The following UNC13B variants were observed in gnomAD, a reference collection of about 807,000 sequenced individuals.
UNC13B encodes unc-13 homolog B, also known as protein unc-13 homolog B.
In UNC13B, 144 loss-of-function variants were observed where a neutral mutation model predicts 211.0. The ratio of observed to expected loss-of-function variants is 0.68; its 90% CI spans 0.60 to 0.78. The LOEUF is 0.78. Ranked by LOEUF, UNC13B falls within the 30% of genes least tolerant of loss-of-function variation. The pLI is 0.00. For synonymous variants in UNC13B, 709 were observed against 725.8 expected, an observed-to-expected ratio of 0.98 and a Z score of 0.37; for missense variants, 1,777 against 2,002.0, an observed-to-expected ratio of 0.89 and a Z score of 2.14.
chr9:35,333,190 G>T (rs1831465991), intron 11 of UNC13B, among the ~76,000 whole-genome samples: 2 of 152,196 alleles, frequency 1.3e-5, no homozygotes. Context: ...ACAGAGTAGA[G>T]AAAATGTCTG....
intron 7 of UNC13B, among the ~76,000 whole-genome samples, chr9:35,271,011 C>T (rs986173087): frequency 5.3e-5 from 8 of 151,864 alleles, no homozygotes; most frequent in African/African-American, 1.7e-4. Flanking sequence ...TGGTGGTGTA[C>T]ACCTGTAGTC....
intron 8 of UNC13B, among the ~76,000 whole-genome samples, chr9:35,298,353 C>T (rs561559009): frequency 6.6e-6 from 1 of 152,012 alleles, no homozygotes; most frequent in Admixed American, 6.5e-5. Flanking sequence ...TCTGGGAGGT[C>T]GAAGCTATAG....
intron 1 of UNC13B, among the ~76,000 whole-genome samples, chr9:35,173,104 G>C (rs946181077): frequency 6.6e-6 from 1 of 152,176 alleles, no homozygotes; most frequent in South Asian, 2.1e-4. Flanking sequence ...AGGGCAGGGA[G>C]GGAGATCTGC....
chr9:35,248,867 T>A (rs145503174), intron 6 of UNC13B, among the ~76,000 whole-genome samples: 7,386 of 152,272 alleles, frequency 0.049, 407 homozygotes, highest in East Asian at 0.3. Context: ...AGATGTCTAT[T>A]AGATCTGCTT....
intron 11 of UNC13B, among the ~76,000 whole-genome samples, chr9:35,330,013 C>G (rs1159493386): frequency 6.6e-6 from 1 of 152,156 alleles, no homozygotes; most frequent in Non-Finnish European, 1.5e-5. Flanking sequence ...TATCCGTTTA[C>G]TGTTAAATTG....
At chr9:35,174,718 T>C (rs1331111626) in intron 1 of UNC13B, among the ~76,000 whole-genome samples, 2 of 152,106 alleles carry the variant, frequency 1.3e-5, no homozygotes, top group Non-Finnish European at 2.9e-5. Context: ...TGGCTAATTT[T>C]TTTTGTACTT....
intron 11 of UNC13B, chr9:35,352,728 C>T (rs1587680492): frequency 2.4e-6 from 3 of 1,232,178 alleles, no homozygotes; most frequent in Non-Finnish European, 3.0e-6. Context: ...GCATCAAGAA[C>T]ATCTCAAGTT....
chr9:35,317,347 C>T (rs1454588650), intron 11 of UNC13B, among the ~76,000 whole-genome samples: 4 of 151,770 alleles, frequency 2.6e-5, no homozygotes, highest in Non-Finnish European at 5.9e-5. Flanking sequence ...ACTATAGGTA[C>T]GCACTACCAC....
intron 1 of UNC13B, among the ~76,000 whole-genome samples, chr9:35,200,915 G>C (rs1407055717): frequency 1.3e-5 from 2 of 152,176 alleles, no homozygotes; most frequent in East Asian, 1.9e-4. Context: ...TCTTGTGCCA[G>C]TTTTCAAAGG....
At chr9:35,324,697 C>A (rs981636064) in intron 11 of UNC13B, among the ~76,000 whole-genome samples, 2 of 152,230 alleles carry the variant, frequency 1.3e-5, no homozygotes, top group African/African-American at 4.8e-5. Context: ...CAACTCTCCT[C>A]TTTGATCTGT....
chr9:35,289,143 C>T (rs1828955819), intron 7 of UNC13B, among the ~76,000 whole-genome samples: 1 of 152,026 alleles, frequency 6.6e-6, no homozygotes. Context: ...AAAGTAAGTG[C>T]CTAGGAAGAA....
intron 36 of UNC13B, 43 bp downstream of exon 36, chr9:35,399,772 C>A (rs1168383063): frequency 8.1e-6 from 13 of 1,599,560 alleles, no homozygotes; most frequent in Non-Finnish European, 1.0e-5. Context: ...CCACCACACT[C>A]ACTTGGCCCT....
At chr9:35,402,362 A>G (rs190882894) in intron 37 of UNC13B, among the ~76,000 whole-genome samples, 1 of 151,268 alleles carries the variant, frequency 6.6e-6, no homozygotes, top group Non-Finnish European at 1.5e-5. Context: ...GCCCACTGCA[A>G]GCTCCGCCTC....
intron 1 of UNC13B, among the ~76,000 whole-genome samples, chr9:35,196,837 C>T (rs1587348769): frequency 6.6e-6 from 1 of 152,182 alleles, no homozygotes; most frequent in East Asian, 1.9e-4. Context: ...GTAGTACGAT[C>T]ATGGCTGACT....
intron 7 of UNC13B, among the ~76,000 whole-genome samples, chr9:35,259,763 A>ATG (rs1491328929): frequency 3.4e-5 from 3 of 88,248 alleles, no homozygotes; most frequent in African/African-American, 1.4e-4. Flanking sequence ...TCAACCTGTG[A>ATG]TATGTGTGTG....
At chr9:35,335,824 G>A (rs933329385) in intron 11 of UNC13B, among the ~76,000 whole-genome samples, 3 of 151,954 alleles carry the variant, frequency 2.0e-5, no homozygotes, top group South Asian at 2.1e-4. Flanking sequence ...AAGTAGCTGG[G>A]ATTAGAATAG....
At chr9:35,333,964 G>GT (rs963756940) in intron 11 of UNC13B, among the ~76,000 whole-genome samples, 956 of 64,500 alleles carry the variant, frequency 0.015, 4 homozygotes, top group Middle Eastern at 0.049. Flanking sequence ...TTTTTTGTTT[G>GT]TTTTTTTTTT....
chr9:35,269,271 G>T (rs143252655), intron 7 of UNC13B, among the ~76,000 whole-genome samples: 1 of 152,122 alleles, frequency 6.6e-6, no homozygotes, highest in African/African-American at 2.4e-5. Context: ...AGTTAATTTG[G>T]TATTACCGAT....
At chr9:35,171,175 C>T (rs1323390035) in intron 1 of UNC13B, among the ~76,000 whole-genome samples, 4 of 151,866 alleles carry the variant, frequency 2.6e-5, no homozygotes, top group Non-Finnish European at 5.9e-5. Flanking sequence ...AATCTTGGCC[C>T]ACTGTAACCT....
Sources: allele counts gnomAD v4.1 joint callset (sites outside exome capture counted in the v4.1 genomes callset), GRCh38; gene constraint gnomAD v4.1.1; transcripts MANE v1.5; gene names NCBI Gene and HGNC (gene_info 2026-07-23, HGNC 2026-07-21).